Variants in RNF212B observed in about 807,000 individuals in gnomAD.
RNF212B encodes the protein ring finger protein 212B.
Under a neutral mutation model 55.5 loss-of-function variants are expected in RNF212B, and 52 were observed. The ratio of observed to expected loss-of-function variants is 0.94; its 90% CI spans 0.75 to 1.18. The LOEUF is 1.18. RNF212B is among the 50% of genes most tolerant of loss of function. The probability of loss-of-function intolerance (pLI) is 0.00; values close to 1 mark genes in which losing one functional copy is unlikely to be tolerated. For missense variants in RNF212B, 289 were observed against 350.4 expected, an observed-to-expected ratio of 0.82 and a Z score of 1.40; for synonymous variants, 99 against 121.4, an observed-to-expected ratio of 0.82 and a Z score of 1.21.
At chr14:23,256,723 G>A (rs548239223) in intron 4 of RNF212B, among the ~76,000 whole-genome samples, 5 of 152,098 alleles carry the variant, frequency 3.3e-5, no homozygotes, top group Non-Finnish European at 5.9e-5. Flanking sequence ...CTGTTGCTCT[G>A]TTGCCCAGAC....
intron 2 of RNF212B, among the ~76,000 whole-genome samples, chr14:23,201,705 A>G (rs1423809756): frequency 6.6e-6 from 1 of 152,232 alleles, no homozygotes; most frequent in Non-Finnish European, 1.5e-5. Context: ...AACACTTGAT[A>G]TTACAAAATA....
At chr14:23,229,205 T>G (rs1225604098) in intron 2 of RNF212B, among the ~76,000 whole-genome samples, 1 of 134,596 alleles carries the variant, frequency 7.4e-6, no homozygotes, top group African/African-American at 2.7e-5. Context: ...ATTTCCTTTA[T>G]GGCTGAATAA....
At chr14:23,230,593 G>A (rs1882516624) in intron 2 of RNF212B, among the ~76,000 whole-genome samples, 1 of 138,768 alleles carries the variant, frequency 7.2e-6, no homozygotes, top group African/African-American at 2.7e-5. Context: ...GGCGGAGCTT[G>A]CAGTGAGCCG....
At chr14:23,214,695 G>C (rs1880900471) in intron 2 of RNF212B, among the ~76,000 whole-genome samples, 1 of 151,676 alleles carries the variant, frequency 6.6e-6, no homozygotes, top group Admixed American at 6.6e-5. Flanking sequence ...AATCAAAATA[G>C]AGAGAAAACG....
intron 14 of RNF212B, chr14:23,272,288 C>CG (rs1566445625): frequency 1.3e-5 from 2 of 158,484 alleles, no homozygotes; most frequent in East Asian, 1.9e-4. Context: ...GGCATGGTGG[C>CG]GGGCGCCTGT....
chr14:23,260,032 C>G, intron 6 of RNF212B, 88 bp downstream of exon 6: 1 of 637,008 alleles, frequency 1.6e-6, no homozygotes, highest in East Asian at 3.0e-5. Context: ...GTTTCCTAAT[C>G]TTTTTCTCAT....
intron 4 of RNF212B, among the ~76,000 whole-genome samples, chr14:23,255,180 G>T (rs1028728339): frequency 6.6e-6 from 1 of 152,194 alleles, no homozygotes; most frequent in Non-Finnish European, 1.5e-5. Flanking sequence ...CTCTGTTTCT[G>T]CTTTCTTCAG....
At chr14:23,214,445 A>G (rs575248757) in intron 2 of RNF212B, among the ~76,000 whole-genome samples, 3 of 152,138 alleles carry the variant, frequency 2.0e-5, no homozygotes, top group Admixed American at 1.3e-4. Flanking sequence ...GGTGAGCCCA[A>G]ATTGCGCCAA....
At chr14:23,219,538 C>G (rs1881378817) in intron 2 of RNF212B, among the ~76,000 whole-genome samples, 1 of 150,790 alleles carries the variant, frequency 6.6e-6, no homozygotes, top group African/African-American at 2.4e-5. Flanking sequence ...GTGGCAAGAT[C>G]TCGGCTCACT....
At chr14:23,211,251 A>G (rs2140390039) in intron 2 of RNF212B, among the ~76,000 whole-genome samples, 1 of 152,040 alleles carries the variant, frequency 6.6e-6, no homozygotes, top group South Asian at 2.1e-4. Context: ...AACAAATTGA[A>G]CAACTTAGAT....
At chr14:23,229,755 TG>T (rs1882394361) in intron 2 of RNF212B, among the ~76,000 whole-genome samples, 1 of 152,204 alleles carries the variant, frequency 6.6e-6, no homozygotes, top group African/African-American at 2.4e-5. Context: ...GTTGTTGAGT[TG>T]TTCTTTTTTT....
At chr14:23,197,593 A>T (rs568590870) in intron 2 of RNF212B, among the ~76,000 whole-genome samples, 147 of 152,130 alleles carry the variant, frequency 9.7e-4, no homozygotes, top group African/African-American at 3.2e-3. Context: ...AAAATTATTT[A>T]AAAAAACAAA....
intron 2 of RNF212B, among the ~76,000 whole-genome samples, chr14:23,200,237 A>G (rs1879157163): frequency 6.6e-6 from 1 of 152,168 alleles, no homozygotes; most frequent in Non-Finnish European, 1.5e-5. Context: ...ACTTTGTTCC[A>G]TAGGAGGAAT....
intron 2 of RNF212B, among the ~76,000 whole-genome samples, chr14:23,228,549 T>C (rs1178860378): frequency 6.8e-6 from 1 of 148,044 alleles, no homozygotes; most frequent in Non-Finnish European, 1.5e-5. Context: ...GCAGGGAGGA[T>C]GAGCAGGGAG....
At chr14:23,200,082 TTTTC>T (rs1879138614) in intron 2 of RNF212B, among the ~76,000 whole-genome samples, 1 of 152,034 alleles carries the variant, frequency 6.6e-6, no homozygotes, top group Non-Finnish European at 1.5e-5. Flanking sequence ...TGAAACATTT[TTTTC>T]TCTCTCTCTC....
At chr14:23,264,255 C>A in intron 10 of RNF212B, 21 bp downstream of exon 10, 2 of 1,529,510 alleles carry the variant, frequency 1.3e-6, no homozygotes, top group Non-Finnish European at 1.8e-6. Flanking sequence ...TTCACCTTAT[C>A]TTTCCAGATT....
intron 2 of RNF212B, among the ~76,000 whole-genome samples, chr14:23,225,358 T>C (rs1256558109): frequency 1.3e-5 from 2 of 152,230 alleles, no homozygotes; most frequent in Admixed American, 6.5e-5. Flanking sequence ...CTGCACTCCC[T>C]TGTGTGTTGC....
At chr14:23,236,485 A>G (rs1011399475), upstream of RNF212B, among the ~76,000 whole-genome samples, 13 of 152,226 alleles carry the variant, frequency 8.5e-5, no homozygotes, top group Admixed American at 3.3e-4. Flanking sequence ...ACTGCACTCC[A>G]GCCCTGGCGA....
intron 2 of RNF212B, among the ~76,000 whole-genome samples, chr14:23,195,459 T>G (rs1454655394): frequency 6.6e-6 from 1 of 152,216 alleles, no homozygotes; most frequent in African/African-American, 2.4e-5. Flanking sequence ...TTCGATGTCC[T>G]TTGTTCCCAT....
Sources: gnomAD v4.1 joint callset for allele counts (sites outside exome capture counted in the v4.1 genomes callset) on GRCh38, gnomAD v4.1.1 for gene constraint, MANE v1.5 for transcripts, NCBI Gene and HGNC (gene_info 2026-07-23, HGNC 2026-07-21) for gene names.